Variants in ZNF445 observed in about 807,000 individuals in gnomAD.
ZNF445 encodes the protein zinc finger protein 168.
Under a neutral mutation model 93.9 loss-of-function variants are expected in ZNF445, and 19 were observed. The observed-to-expected ratio is 0.20, with a 90% confidence interval of 0.14 to 0.30. The LOEUF is 0.30. Among genes scored for constraint, ZNF445 ranks in the 10% least tolerant of loss-of-function variants. ZNF445 has a pLI of 1.00. For synonymous variants in ZNF445, 449 were observed against 446.3 expected (o/e 1.01, Z -0.08); for missense variants, 1,058 against 1,259.4 (o/e 0.84, Z 2.42).
intron 1 of ZNF445, among the ~76,000 whole-genome samples, chr3:44,468,009 A>G (rs1422851565): frequency 1.3e-5 from 2 of 152,330 alleles, no homozygotes; most frequent in South Asian, 2.1e-4. Flanking sequence ...AGGCTGTTTC[A>G]CTTAAATACT....
chr3:44,458,521 C>A (rs1303039722), intron 1 of ZNF445, among the ~76,000 whole-genome samples, 157 bp from the exon 2 acceptor site: 2 of 152,054 alleles, frequency 1.3e-5, no homozygotes, highest in African/African-American at 4.8e-5. Flanking sequence ...TCCCAAGTGA[C>A]TAAAACAATA....
intron 1 of ZNF445, among the ~76,000 whole-genome samples, chr3:44,466,135 T>C (rs1698191086): frequency 6.6e-6 from 1 of 152,226 alleles, no homozygotes; most frequent in African/African-American, 2.4e-5. Context: ...CTGGGTCTTC[T>C]TTGGAAAGCT....
chr3:44,442,286 C>A lies in ZNF445; in HGVS notation c.*4289G>T, dbSNP rs1379606346. The A allele has an allele frequency of 6.6e-6, 1 of 152,210 alleles. No homozygotes were observed. Among genetic ancestry groups the A allele is most frequent in the African/African-American group, 2.4e-5 (1 of 41,450 alleles). The allele number at this position is 152,210 out of a possible 1,614,324, so 9.4% of individuals were successfully genotyped here. ...GCTTTTCCCAATCTTGCTACCTAAA[C>A]AATACTTCAGTGAAGTCTTAAAATC... On this transcript the variant is annotated 3_prime_UTR_variant, in exon 8 of 8. Coordinates refer to ENST00000396077, the MANE Select transcript of ZNF445 (RefSeq NM_181489.6).
chr3:44,451,030 C>G (rs541546989), intron 4 of ZNF445, 68 bp from the exon 5 acceptor site: 29 of 1,335,006 alleles, frequency 2.2e-5, no homozygotes, highest in South Asian at 2.9e-5. Flanking sequence ...CCACTCTTCC[C>G]CCCAGTAGAG....
rs953140277 is a variant in ZNF445 at position 44,434,175 on chromosome 3, G to A, written c.*12400C>T. ...CTTCTGTAATCCCAGCACTTTGGGAGGCTGAGGTGGGCAGATCACTTGAGG... is the reference window on the plus strand; with the variant it reads ...CTTCTGTAATCCCAGCACTTTGGGAAGCTGAGGTGGGCAGATCACTTGAGG... On this transcript the variant is annotated 3_prime_UTR_variant, in exon 8 of 8. Transcript: ENST00000396077. 1 of 151,862 alleles carries A rather than the reference G, an allele frequency of 6.6e-6. No individual in the cohort carries two copies. The highest frequency in any genetic ancestry group is 6.6e-5 in the Admixed American group (1 of 15,228). The allele number at this position is 151,862 out of a possible 1,614,324, so 9.4% of individuals were successfully genotyped here.
At chr3:44,456,287 C>T (rs1432393425) in intron 2 of ZNF445, among the ~76,000 whole-genome samples, 1 of 151,928 alleles carries the variant, frequency 6.6e-6, no homozygotes, top group South Asian at 2.1e-4. Context: ...CATGGTGGTG[C>T]GTGCCTGTAA....
chr3:44,453,064 C>A (rs1429746563), intron 3 of ZNF445, among the ~76,000 whole-genome samples: 1 of 151,858 alleles, frequency 6.6e-6, no homozygotes, highest in Non-Finnish European at 1.5e-5. Flanking sequence ...CAGGCGAACA[C>A]CACCACGCCC....
intron 2 of ZNF445, among the ~76,000 whole-genome samples, chr3:44,456,175 G>A (rs1395065650): frequency 6.6e-6 from 1 of 152,128 alleles, no homozygotes; most frequent in Admixed American, 6.5e-5. Context: ...TAGCACTTTG[G>A]AAAGCGGAGG....
intron 1 of ZNF445, among the ~76,000 whole-genome samples, chr3:44,470,343 CAA>C (rs1449985595): frequency 6.6e-6 from 1 of 152,104 alleles, no homozygotes; most frequent in Non-Finnish European, 1.5e-5. Context: ...ATTGTGAAAA[CAA>C]AACGTACAAC....
chr3:44,460,163 T>C (rs1698090648), intron 1 of ZNF445, among the ~76,000 whole-genome samples: 1 of 152,174 alleles, frequency 6.6e-6, no homozygotes, highest in Admixed American at 6.5e-5. Context: ...TGCCCAACAA[T>C]AGGCCTAAAG....
intron 3 of ZNF445, among the ~76,000 whole-genome samples, chr3:44,452,434 CTG>C (rs747511838): frequency 1.3e-5 from 2 of 151,764 alleles, no homozygotes; most frequent in African/African-American, 4.8e-5. Flanking sequence ...GTTTTTCACA[CTG>C]TGATAATTTT....
chr3:44,473,633 A>G (rs994696450), intron 1 of ZNF445, among the ~76,000 whole-genome samples: 14 of 151,850 alleles, frequency 9.2e-5, no homozygotes, highest in African/African-American at 3.4e-4. Flanking sequence ...AACAACAACA[A>G]CAACAAACAG....
In ZNF445 at chr3:44,446,426, C is replaced by T. The variant is rs1212813557; in HGVS notation, c.*149G>A. 10 of 1,201,078 alleles carry T rather than the reference C, an allele frequency of 8.3e-6. No homozygotes were observed. Among genetic ancestry groups the T allele is most frequent in the East Asian group, 7.3e-5 (3 of 41,260 alleles). The allele number at this position is 1,201,078 out of a possible 1,614,324, so 74.4% of individuals were successfully genotyped here. A position where few individuals can be genotyped will look rare whatever the true frequency, so the allele number is the denominator to read the frequency against. On this transcript the variant is annotated 3_prime_UTR_variant, in exon 8 of 8. Coordinates refer to ENST00000396077, the MANE Select transcript of ZNF445 (RefSeq NM_181489.6). This position sits in a 1 kb window ranked among gnomAD's most constrained non-coding sequence, Gnocchi z 4.2. ...CCTAGCAGGCAGGCTGGGGACTCCC[C>T]GAGCTTTCAAATCCTTGGGATTCTG... is the stretch of plus-strand genomic sequence containing the variant.
rs1318535981 is a variant in ZNF445 at position 44,434,118 on chromosome 3, G to A, written c.*12457C>T. ...ACATATAGAATGTAACTATTGGAAAGAGAGAGAAAAAGGGCCTGGCTTGGT... is the reference window on the plus strand; with the variant it reads ...ACATATAGAATGTAACTATTGGAAAAAGAGAGAAAAAGGGCCTGGCTTGGT... On this transcript the variant is annotated 3_prime_UTR_variant, in exon 8 of 8. Transcript: ENST00000396077. 6.6e-6 allele frequency: 1 copy of A among 152,004 alleles called. No homozygotes were observed. Among genetic ancestry groups the A allele is most frequent in the Non-Finnish European group, 1.5e-5 (1 of 67,984 alleles). 9.4% of individuals were successfully genotyped at this position (152,004 alleles called of 1,614,324 possible). A position where few individuals can be genotyped will look rare whatever the true frequency, so the allele number is the denominator to read the frequency against.
chr3:44,455,650 C>T lies in ZNF445; in HGVS notation c.-101G>A. On this transcript the variant is annotated 5_prime_UTR_variant, in exon 3 of 8. Transcript: ENST00000396077. ...CAGCAGTCAACAATGCCAACATTTGCTGGGACATCAGAAGTCATCAGCAAG... is the reference window on the plus strand; with the variant it reads ...CAGCAGTCAACAATGCCAACATTTGTTGGGACATCAGAAGTCATCAGCAAG... The T allele has an allele frequency of 8.7e-7, 1 of 1,148,366 alleles. No individual in the cohort carries two copies. 71.1% of individuals were successfully genotyped at this position (1,148,366 alleles called of 1,614,324 possible).
At chr3:44,451,553 T>C in intron 3 of ZNF445, 71 bp from the exon 4 acceptor site, 2 of 1,518,806 alleles carry the variant, frequency 1.3e-6, no homozygotes, top group Non-Finnish European at 1.8e-6. Context: ...AGAGACCACA[T>C]GACCAATCTC....
In ZNF445 at chr3:44,441,921, C is replaced by T. The variant is rs942083089; in HGVS notation, c.*4654G>A. 3 of 152,132 alleles carry T rather than the reference C, an allele frequency of 2.0e-5. No individual in the cohort carries two copies. Among genetic ancestry groups the T allele is most frequent in the African/African-American group, 7.2e-5 (3 of 41,424 alleles). The allele number at this position is 152,132 out of a possible 1,614,324, so 9.4% of individuals were successfully genotyped here. ...ACAGAAAATAGATTACTGTGCAAAACAATAACACTTTCTATATGTCCACAA... is the reference window on the plus strand; with the variant it reads ...ACAGAAAATAGATTACTGTGCAAAATAATAACACTTTCTATATGTCCACAA... On this transcript the variant is annotated 3_prime_UTR_variant, in exon 8 of 8. Transcript: ENST00000396077.
At position 44,431,783 on chromosome 3, in the gene ZNF445, A is replaced by G. The variant is rs917347438; in HGVS notation, c.*14792T>C. On this transcript the variant is annotated 3_prime_UTR_variant, in exon 8 of 8. Coordinates refer to ENST00000396077, the MANE Select transcript of ZNF445 (RefSeq NM_181489.6). ...GTACAAAAACAGGCAAAAGTAAACC[A>G]TATTTAAAGATGTCTATAACAGTGG... 1 of 152,206 alleles carries G rather than the reference A, an allele frequency of 6.6e-6. No homozygotes were observed. The highest frequency in any genetic ancestry group is 1.5e-5 in the Non-Finnish European group (1 of 68,042). The allele number at this position is 152,206 out of a possible 1,614,324, so 9.4% of individuals were successfully genotyped here. A position where few individuals can be genotyped will look rare whatever the true frequency, so the allele number is the denominator to read the frequency against.
chr3:44,459,053 T>C (rs1698070688), intron 1 of ZNF445, among the ~76,000 whole-genome samples: 1 of 152,232 alleles, frequency 6.6e-6, no homozygotes, highest in South Asian at 2.1e-4. Context: ...AAGAGAGCTA[T>C]GGACAACTGC....
Sources: gnomAD v4.1 joint callset for allele counts (sites outside exome capture counted in the v4.1 genomes callset) on GRCh38, gnomAD v4.1.1 for gene constraint, Gnocchi (gnomAD v3.1) non-coding constraint, MANE v1.5 for transcripts, NCBI Gene and HGNC (gene_info 2026-07-23, HGNC 2026-07-21) for gene names.